DMGDH: variants seen among roughly 807,000 people sequenced by gnomAD.
DMGDH encodes dimethylglycine dehydrogenase, also known as dimethylglycine dehydrogenase, mitochondrial.
Under a neutral mutation model 95.2 loss-of-function variants are expected in DMGDH, and 76 were observed. The ratio of observed to expected loss-of-function variants is 0.80; its 90% CI spans 0.66 to 0.97. The LOEUF (loss-of-function observed/expected upper bound fraction) is 0.97, where lower values mean the gene tolerates loss of function less well. DMGDH is among the 50% of genes least tolerant of loss of function. The probability of loss-of-function intolerance (pLI) is 0.00; values close to 1 mark genes in which losing one functional copy is unlikely to be tolerated. For missense variants in DMGDH, 987 were observed against 1,055.0 expected (o/e 0.94, Z 0.89); for synonymous variants, 345 against 377.6 (o/e 0.91, Z 1.00).
At chr5:78,998,363 G>A in intron 15 of DMGDH, 66 bp from the exon 16 acceptor site, 18 of 1,461,336 alleles carry the variant, frequency 1.2e-5, no homozygotes, top group Non-Finnish European at 1.7e-5. Context: ...ATCTCTGGGT[G>A]AAAAAAAACT....
At chr5:79,011,948 T>C (rs1429662727) in intron 14 of DMGDH, among the ~76,000 whole-genome samples, 3 of 152,138 alleles carry the variant, frequency 2.0e-5, no homozygotes, top group Non-Finnish European at 4.4e-5. Flanking sequence ...ACAAACCATA[T>C]GATTACACCT....
intron 7 of DMGDH, among the ~76,000 whole-genome samples, chr5:79,042,050 CA>C (rs1188408072): frequency 6.6e-6 from 1 of 152,060 alleles, no homozygotes; most frequent in Non-Finnish European, 1.5e-5. Context: ...TTCTGTGTTC[CA>C]GGAAATAGTT....
intron 8 of DMGDH, 49 bp downstream of exon 8, chr5:79,033,190 A>C (rs1243676249): frequency 1.2e-6 from 2 of 1,609,480 alleles, no homozygotes; most frequent in Admixed American, 1.7e-5. Context: ...GAGATGCTAC[A>C]ATTCAATTCC....
chr5:79,053,799 TA>T (rs1216987589), intron 4 of DMGDH, among the ~76,000 whole-genome samples: 4 of 152,238 alleles, frequency 2.6e-5, no homozygotes, highest in Non-Finnish European at 5.9e-5. Context: ...TGGCATTTCT[TA>T]ATTTGATTTT....
chr5:79,020,538 G>C, intron 14 of DMGDH: 1 of 384,358 alleles, frequency 2.6e-6, no homozygotes, highest in Non-Finnish European at 3.6e-6. Context: ...TGGAAGGCTT[G>C]GTACTAAGCG....
At position 79,015,307 on chromosome 5, in the gene DMGDH, T is replaced by C. The variant is rs561160543; in HGVS notation, c.2250+8964A>G. On this transcript the variant is annotated intron_variant, in intron 14 of 15. Coordinates refer to ENST00000255189, the MANE Select transcript of DMGDH (RefSeq NM_013391.3). The stretch of plus-strand genomic sequence containing the variant: ...TCCATCCTATGGCCACTGCTTTAGT[T>C]GAAGTCTTCGCCTTCTCTCCACTGG... 2.7e-4 allele frequency among the ~76,000 whole-genome samples: 41 copies of C among 152,332 alleles called. 1 individual carries two copies. Among genetic ancestry groups the C allele is most frequent in the African/African-American group, 9.6e-4 (40 of 41,570 alleles).
chr5:79,065,701 G>A (rs1385458065), intron 1 of DMGDH, among the ~76,000 whole-genome samples: 1 of 152,204 alleles, frequency 6.6e-6, no homozygotes, highest in African/African-American at 2.4e-5. Flanking sequence ...CAAGCATTAT[G>A]TACTGTATGT....
Position 79,069,629 on chromosome 5 carries a change from C to G in DMGDH, c.-9G>C, listed in dbSNP as rs766601673. 4.4e-6 allele frequency: 6 copies of G among 1,362,114 alleles called. No individual in the cohort carries two copies. The highest frequency in any genetic ancestry group is 5.7e-6 in the Non-Finnish European group (6 of 1,057,550). 84.4% of individuals were successfully genotyped at this position (1,362,114 alleles called of 1,614,324 possible). A position where few individuals can be genotyped will look rare whatever the true frequency, so the allele number is the denominator to read the frequency against. ...GCGCCGGGACGGAGCATGACTAGGC[C>G]GAGGCCGAGGGCGCAGGCGCCTGCT... is the stretch of plus-strand genomic sequence containing the variant. On this transcript the variant is annotated 5_prime_UTR_variant, in exon 1 of 16. Coordinates refer to ENST00000255189, the MANE Select transcript of DMGDH (RefSeq NM_013391.3).
At chr5:79,028,681 T>C in intron 11 of DMGDH, 31 bp from the exon 12 acceptor site, 2 of 1,604,412 alleles carry the variant, frequency 1.2e-6, no homozygotes, top group South Asian at 1.1e-5. Flanking sequence ...TGGTGTTAAA[T>C]ATTGCTTGAA....
chr5:78,998,371 A>C lies in DMGDH; in HGVS notation c.2386-74T>G, dbSNP rs563991773. On this transcript the variant is annotated intron_variant, in intron 15 of 15. Coordinates refer to ENST00000255189, the MANE Select transcript of DMGDH (RefSeq NM_013391.3). ...GCTCCTCATCTCTGGGTGAAAAAAA[A>C]CTAAAATACAGATTCAACTTACAAA... is the stretch of plus-strand genomic sequence containing the variant. 88 of 1,412,740 alleles carry C rather than the reference A, an allele frequency of 6.2e-5. 1 individual carries two copies. The African/African-American group carries it at 1.0e-3, about 16-fold the overall frequency. The allele number at this position is 1,412,740 out of a possible 1,614,324, so 87.5% of individuals were successfully genotyped here.
At chr5:79,010,560 G>C (rs1317688294) in intron 14 of DMGDH, among the ~76,000 whole-genome samples, 1 of 152,108 alleles carries the variant, frequency 6.6e-6, no homozygotes, top group African/African-American at 2.4e-5. Context: ...ATGGAATGCT[G>C]TCCCCAGCCC....
At chr5:79,027,838 T>A (rs898330924) in intron 12 of DMGDH, among the ~76,000 whole-genome samples, 2 of 128,428 alleles carry the variant, frequency 1.6e-5, no homozygotes, top group African/African-American at 6.8e-5. Flanking sequence ...TTCCCCACTT[T>A]TCTTTTTTTT....
chr5:79,021,745 G>A, intron 14 of DMGDH: 2 of 1,274,732 alleles, frequency 1.6e-6, no homozygotes, highest in Non-Finnish European at 2.1e-6. Flanking sequence ...TTAATAAAAG[G>A]TAGTCCATAC....
At chr5:79,031,668 G>A (rs1043542749) in intron 9 of DMGDH, among the ~76,000 whole-genome samples, 1 of 152,214 alleles carries the variant, frequency 6.6e-6, no homozygotes, top group African/African-American at 2.4e-5. Flanking sequence ...TGGAACAAAG[G>A]TCTCTTGACT....
intron 1 of DMGDH, among the ~76,000 whole-genome samples, chr5:79,067,628 T>C (rs1244015789): frequency 1.3e-5 from 2 of 152,190 alleles, no homozygotes; most frequent in East Asian, 1.9e-4. Flanking sequence ...ATCAAATATA[T>C]AGTATTTCCT....
chr5:79,021,154 GGT>G, intron 14 of DMGDH: 2 of 987,600 alleles, frequency 2.0e-6, no homozygotes, highest in Non-Finnish European at 2.4e-6. Context: ...CCGCAGCTTT[GGT>G]CAAGGCTTCC....
At chr5:79,043,616 T>C (rs1316182750) in intron 6 of DMGDH, among the ~76,000 whole-genome samples, 1 of 152,234 alleles carries the variant, frequency 6.6e-6, no homozygotes, top group African/African-American at 2.4e-5. Flanking sequence ...CCCTGTAATA[T>C]TTCAATGCCC....
intron 2 of DMGDH, among the ~76,000 whole-genome samples, chr5:79,061,858 A>G (rs779255234): frequency 1.4e-4 from 22 of 152,158 alleles, no homozygotes; most frequent in Non-Finnish European, 2.2e-4. Context: ...ATAGTGAGCT[A>G]TGATTGCACC....
intron 1 of DMGDH, among the ~76,000 whole-genome samples, chr5:79,065,774 T>C (rs995840990): frequency 4.6e-5 from 7 of 152,178 alleles, no homozygotes; most frequent in African/African-American, 1.7e-4. Context: ...CCAGCATCAC[T>C]ACAAACACGT....
Sources: allele counts gnomAD v4.1 joint callset (sites outside exome capture counted in the v4.1 genomes callset), GRCh38; gene constraint gnomAD v4.1.1; transcripts MANE v1.5; gene names NCBI Gene and HGNC (gene_info 2026-07-23, HGNC 2026-07-21).